Variants in SGIP1 observed in about 807,000 individuals in gnomAD.
The protein encoded by SGIP1 is SH3GL interacting endocytic adaptor 1.
A neutral mutation model predicts 107.5 loss-of-function variants in SGIP1; 38 were observed. The ratio of observed to expected loss-of-function variants is 0.35; its 90% CI spans 0.27 to 0.46. SGIP1 has a LOEUF of 0.46. Among genes scored for constraint, SGIP1 ranks in the 20% least tolerant of loss-of-function variants. The pLI, the probability that SGIP1 is intolerant of heterozygous loss-of-function variation, is 1.00. For synonymous variants in SGIP1, 365 were observed against 366.1 expected, an observed-to-expected ratio of 1.00 and a Z score of 0.03; for missense variants, 929 against 1,019.5, an observed-to-expected ratio of 0.91 and a Z score of 1.21.
intron 21 of SGIP1, among the ~76,000 whole-genome samples, chr1:66,738,145 G>A (rs1420966148): frequency 6.6e-6 from 1 of 152,104 alleles, no homozygotes; most frequent in African/African-American, 2.4e-5. Context: ...AATATTTAAA[G>A]TTTAAAAACT....
At chr1:66,636,110 A>T (rs746140114) in intron 4 of SGIP1, 95 bp downstream of exon 4, 14 of 1,166,038 alleles carry the variant, frequency 1.2e-5, no homozygotes, top group Admixed American at 2.3e-5. Flanking sequence ...AGTAGTTTTC[A>T]TTTACTCCAT....
chr1:66,607,819 T>C (rs1445635167), intron 1 of SGIP1, among the ~76,000 whole-genome samples: 1 of 152,230 alleles, frequency 6.6e-6, no homozygotes, highest in Non-Finnish European at 1.5e-5. Context: ...TCTATTGCTT[T>C]TTATTTTCTC....
chr1:66,704,489 T>C (rs970856866), intron 18 of SGIP1: 1 of 152,180 alleles, frequency 6.6e-6, no homozygotes, highest in Admixed American at 6.5e-5. Flanking sequence ...CTCTCTTTTA[T>C]TAAAGGATTT....
chr1:66,614,809 CTTTTTTTTT>C (rs10707091), intron 1 of SGIP1, among the ~76,000 whole-genome samples: 17 of 59,416 alleles, frequency 2.9e-4, no homozygotes, highest in African/African-American at 1.1e-3. Context: ...TTCCAGCTGT[CTTTTTTTTT>C]TTTTTTTTTT....
intron 7 of SGIP1, among the ~76,000 whole-genome samples, chr1:66,645,825 T>C (rs2077554974): frequency 6.6e-6 from 1 of 152,134 alleles, no homozygotes; most frequent in African/African-American, 2.4e-5. Flanking sequence ...TATAGATAGA[T>C]ATAGATATAG....
chr1:66,748,498 A>G lies in SGIP1; in HGVS notation c.*5403A>G, dbSNP rs1053327091. On this transcript the variant is annotated 3_prime_UTR_variant, in exon 25 of 25. Transcript: ENST00000371037. ...ATTTCTCTCCTAAATGGGTATGTCT[A>G]TGAGGAAAAGACACCTATTTGTTGG... Among the ~76,000 whole-genome samples the G allele has an allele frequency of 4.6e-5, 7 of 151,914 alleles. No homozygotes were observed. Among genetic ancestry groups the G allele is most frequent in the Non-Finnish European group, 8.8e-5 (6 of 67,830 alleles).
At chr1:66,548,457 C>A (rs1213669855) in intron 1 of SGIP1, among the ~76,000 whole-genome samples, 2 of 151,878 alleles carry the variant, frequency 1.3e-5, no homozygotes, top group Non-Finnish European at 2.9e-5. Flanking sequence ...CTAACCCAAA[C>A]GGTTCTGGCA....
intron 1 of SGIP1, among the ~76,000 whole-genome samples, chr1:66,559,712 T>C (rs1271564141): frequency 6.6e-6 from 1 of 152,086 alleles, no homozygotes; most frequent in Non-Finnish European, 1.5e-5. Context: ...GAGCTGTCTC[T>C]GGTGTCTCTG....
At chr1:66,687,607 G>A (rs909995389) in intron 15 of SGIP1, among the ~76,000 whole-genome samples, 2 of 152,180 alleles carry the variant, frequency 1.3e-5, no homozygotes, top group Non-Finnish European at 1.5e-5. Flanking sequence ...ATTTAAGAGC[G>A]TGAGCTTTGG....
rs148152221 is a variant in SGIP1 at position 66,702,978 on chromosome 1, G to C, written c.1630+7485G>C. Among the ~76,000 whole-genome samples, 494 of 152,300 alleles carry C rather than the reference G, an allele frequency of 3.2e-3. 1 individual carries two copies. Among genetic ancestry groups the C allele is most frequent in the African/African-American group, 0.012 (483 of 41,570 alleles). On this transcript the variant is annotated intron_variant, in intron 18 of 24. Coordinates refer to ENST00000371037, the MANE Select transcript of SGIP1 (RefSeq NM_032291.4). Reference sequence around the variant, plus strand: ...GGGGAACTAACAAGAACAGCGGAAAGTCTTGAGCCCCACAAAAAGAAGGGT... The same window carrying C: ...GGGGAACTAACAAGAACAGCGGAAACTCTTGAGCCCCACAAAAAGAAGGGT...
chr1:66,676,572 A>T lies in SGIP1; in HGVS notation c.647-432A>T, dbSNP rs567946027. ...TTCAAGGATAGGAACCACTGCATAGAATGCAGGCGTTTTCAGTTTTGAAGC... is the reference window on the plus strand; with the variant it reads ...TTCAAGGATAGGAACCACTGCATAGTATGCAGGCGTTTTCAGTTTTGAAGC... On this transcript the variant is annotated intron_variant, in intron 12 of 24. Coordinates refer to ENST00000371037, the MANE Select transcript of SGIP1 (RefSeq NM_032291.4). Among the ~76,000 whole-genome samples the T allele has an allele frequency of 1.1e-4, 16 of 152,258 alleles. No individual in the cohort carries two copies. In the South Asian group the frequency reaches 3.3e-3, roughly 32 times the overall value.
chr1:66,633,319 G>A (rs56987192), intron 3 of SGIP1, among the ~76,000 whole-genome samples: 128 of 152,250 alleles, frequency 8.4e-4, no homozygotes, highest in African/African-American at 2.9e-3. Flanking sequence ...CCCAGAGCAG[G>A]CAGGAAAACA....
chr1:66,728,556 G>C (rs1393683760), intron 19 of SGIP1, among the ~76,000 whole-genome samples: 1 of 152,052 alleles, frequency 6.6e-6, no homozygotes, highest in African/African-American at 2.4e-5. Flanking sequence ...ATTCCTCAAA[G>C]AACTAAAAAC....
In SGIP1 at chr1:66,719,347, G is replaced by C. The variant is rs746696777; in HGVS notation, c.1684G>C (p.Val562Leu). The C allele has an allele frequency of 1.2e-6, 2 of 1,613,466 alleles. No individual in the cohort carries two copies. Among genetic ancestry groups the C allele is most frequent in the Non-Finnish European group, 1.7e-6 (2 of 1,179,716 alleles). ...CATGGGAGCTCAGGACACTCTCCCTGTTGCAGCAGCATTTACAGAAACAGT... is the reference window on the plus strand; with the variant it reads ...CATGGGAGCTCAGGACACTCTCCCTCTTGCAGCAGCATTTACAGAAACAGT... ...LTMGAQDTLP[V>L]AAAFTETVNA... is the part of the protein sequence containing the mutation. Residue 562 changes from valine to leucine, a missense_variant, in exon 19 of 25, where the codon GTT becomes CTT. Physicochemically the swap from Val to Leu is conservative, Grantham distance 32. Coordinates refer to ENST00000371037, the MANE Select transcript of SGIP1 (RefSeq NM_032291.4).
chr1:66,740,202 T>C (rs550753222), intron 22 of SGIP1, among the ~76,000 whole-genome samples: 61 of 152,240 alleles, frequency 4.0e-4, no homozygotes, highest in Admixed American at 9.2e-4. Context: ...AGAAACTGAA[T>C]AGATACATTG....
intron 3 of SGIP1, 88 bp from the exon 4 acceptor site, chr1:66,635,856 G>A: frequency 7.4e-7 from 1 of 1,345,458 alleles, no homozygotes; most frequent in Non-Finnish European, 1.1e-6. Context: ...TGGTATGTTT[G>A]CTGACTCCAT....
intron 1 of SGIP1, among the ~76,000 whole-genome samples, chr1:66,570,170 A>G (rs2060188462): frequency 6.6e-6 from 1 of 151,694 alleles, no homozygotes; most frequent in African/African-American, 2.4e-5. Flanking sequence ...TCAATAAAAC[A>G]TTTTTTGGTT....
intron 1 of SGIP1, among the ~76,000 whole-genome samples, chr1:66,541,961 C>A (rs1571035487): frequency 6.6e-6 from 1 of 152,094 alleles, no homozygotes. Context: ...TTAGCATGTA[C>A]ATATTTTATT....
chr1:66,536,422 G>A (rs527585338), intron 1 of SGIP1, among the ~76,000 whole-genome samples: 1 of 152,250 alleles, frequency 6.6e-6, no homozygotes, highest in East Asian at 1.9e-4. Context: ...ACCTTAGAAA[G>A]GCAAATAGGA....
Sources: allele counts gnomAD v4.1 joint callset (sites outside exome capture counted in the v4.1 genomes callset), GRCh38; gene constraint gnomAD v4.1.1; transcripts MANE v1.5; gene names NCBI Gene and HGNC (gene_info 2026-07-23, HGNC 2026-07-21).